RNF144A: variants seen among roughly 807,000 people sequenced by gnomAD.
RNF144A encodes E3 ubiquitin-protein ligase RNF144A.
Under a neutral mutation model 38.7 loss-of-function variants are expected in RNF144A, and 11 were observed. That is an observed-to-expected ratio of 0.28 (90% CI 0.18 to 0.47). The LOEUF (loss-of-function observed/expected upper bound fraction) is 0.47, where lower values mean the gene tolerates loss of function less well. RNF144A is among the 20% of genes least tolerant of loss of function. RNF144A has a pLI of 0.99. For synonymous variants in RNF144A, 149 were observed against 143.9 expected (o/e 1.04, Z -0.25); for missense variants, 316 against 377.2 (o/e 0.84, Z 1.34).
At chr2:7,019,480 T>C (rs369159419) in intron 5 of RNF144A, among the ~76,000 whole-genome samples, 1 of 152,178 alleles carries the variant, frequency 6.6e-6, no homozygotes, top group African/African-American at 2.4e-5. Context: ...GCCTTTCAAG[T>C]CGTCTCTGAA....
chr2:7,037,517 T>G (rs773864714), intron 8 of RNF144A, among the ~76,000 whole-genome samples: 1 of 152,260 alleles, frequency 6.6e-6, no homozygotes, highest in Non-Finnish European at 1.5e-5. Context: ...AAGCACAACC[T>G]GAATTCACAC....
chr2:6,953,692 CTG>C (rs1666826047), intron 2 of RNF144A, among the ~76,000 whole-genome samples: 1 of 152,032 alleles, frequency 6.6e-6, no homozygotes, highest in Non-Finnish European at 1.5e-5. Flanking sequence ...TGTGAATGTT[CTG>C]TGTCTTTTTG....
chr2:6,965,276 C>A (rs1245659410), intron 2 of RNF144A, among the ~76,000 whole-genome samples: 1 of 152,176 alleles, frequency 6.6e-6, no homozygotes, highest in Non-Finnish European at 1.5e-5. Context: ...GACACGATCT[C>A]AGCTCATGAG....
At chr2:7,059,040 A>C (rs531705446) in intron 6 of RNF144A, among the ~76,000 whole-genome samples, 1 of 151,778 alleles carries the variant, frequency 6.6e-6, no homozygotes, top group African/African-American at 2.4e-5. Context: ...GAGGTGAAAA[A>C]CCTGTTTAAA....
chr2:7,038,121 G>C (rs964357460), intron 8 of RNF144A, among the ~76,000 whole-genome samples: 1 of 152,210 alleles, frequency 6.6e-6, no homozygotes, highest in African/African-American at 2.4e-5. Flanking sequence ...ATGTTTTCAA[G>C]CAAAAATCAA....
chr2:7,014,597 C>T, intron 4 of RNF144A, 39 bp downstream of exon 4: 1 of 1,528,692 alleles, frequency 6.5e-7, no homozygotes, highest in Non-Finnish European at 9.0e-7. Flanking sequence ...TTGATGTGCA[C>T]AGGCGTGCAC....
intron 2 of RNF144A, among the ~76,000 whole-genome samples, chr2:6,948,722 G>A (rs1284489583): frequency 2.0e-5 from 3 of 152,214 alleles, no homozygotes; most frequent in African/African-American, 7.2e-5. Flanking sequence ...AGTGATTTAG[G>A]ATTGCAAGAC....
intron 3 of RNF144A, among the ~76,000 whole-genome samples, chr2:7,000,410 G>A (rs537464648): frequency 2.6e-5 from 4 of 152,280 alleles, no homozygotes; most frequent in South Asian, 2.1e-4. Context: ...GGCCAATCCC[G>A]TGTTCGTTTT....
intron 2 of RNF144A, among the ~76,000 whole-genome samples, chr2:6,946,219 C>G (rs150698978): frequency 0.01 from 1,587 of 152,302 alleles, 29 homozygotes; most frequent in African/African-American, 0.037. Flanking sequence ...CATATACATT[C>G]ATTAAAGAAA....
In RNF144A at chr2:7,042,936, C is replaced by A; in HGVS notation, c.*3176C>A. On this transcript the variant is annotated 3_prime_UTR_variant, in exon 9 of 9. Coordinates refer to ENST00000320892, the MANE Select transcript of RNF144A (RefSeq NM_014746.6). ...AAGCTGGAGTACAATGACAGGATCTCGGCTCACTGCAAGCTCTGCCTCCCG... is the reference window on the plus strand; with the variant it reads ...AAGCTGGAGTACAATGACAGGATCTAGGCTCACTGCAAGCTCTGCCTCCCG... 1.2e-6 allele frequency: 1 copy of A among 829,504 alleles called. No individual in the cohort carries two copies. Among genetic ancestry groups the A allele is most frequent in the Non-Finnish European group, 1.5e-6 (1 of 688,142 alleles). The allele number at this position is 829,504 out of a possible 1,614,324, so 51.4% of individuals were successfully genotyped here.
At chr2:7,018,064 A>AGGGTG (rs1178377840) in intron 5 of RNF144A, among the ~76,000 whole-genome samples, 1 of 152,142 alleles carries the variant, frequency 6.6e-6, no homozygotes, top group African/African-American at 2.4e-5. Context: ...TTGAGCCAGG[A>AGGGTG]GGGTGGACAG....
chr2:7,052,531 T>A (rs1673572156), intron 6 of RNF144A, among the ~76,000 whole-genome samples: 1 of 152,124 alleles, frequency 6.6e-6, no homozygotes, highest in Non-Finnish European at 1.5e-5. Context: ...GAAACAGGGC[T>A]CTGTAGAGGC....
At chr2:7,006,307 G>A (rs142708941) in intron 3 of RNF144A, among the ~76,000 whole-genome samples, 108 of 152,148 alleles carry the variant, frequency 7.1e-4, no homozygotes, top group African/African-American at 2.4e-3. Flanking sequence ...ACTAAAATGC[G>A]GAGGATGAAC....
At chr2:6,970,794 C>G (rs1475867270) in intron 2 of RNF144A, among the ~76,000 whole-genome samples, 1 of 152,204 alleles carries the variant, frequency 6.6e-6, no homozygotes, top group Admixed American at 6.5e-5. Flanking sequence ...GCACAAGGCA[C>G]AGGACTGCAT....
intron 2 of RNF144A, among the ~76,000 whole-genome samples, chr2:6,969,373 A>G (rs1667860353): frequency 6.6e-6 from 1 of 152,142 alleles, no homozygotes. Flanking sequence ...AGAGATACAC[A>G]TAGAAGGAAG....
chr2:7,046,744 G>T (rs915936635), downstream of RNF144A, among the ~76,000 whole-genome samples: 1 of 152,110 alleles, frequency 6.6e-6, no homozygotes, highest in Non-Finnish European at 1.5e-5. Flanking sequence ...GTGGTTGTGC[G>T]TACAGCCTGT....
chr2:6,927,679 G>A (rs1664963872), intron 1 of RNF144A, among the ~76,000 whole-genome samples: 1 of 152,246 alleles, frequency 6.6e-6, no homozygotes, highest in Non-Finnish European at 1.5e-5. Flanking sequence ...GAGCTGTGCT[G>A]TCAGTGGGTT....
At chr2:6,955,001 A>T (rs1028739965) in intron 2 of RNF144A, among the ~76,000 whole-genome samples, 2 of 151,990 alleles carry the variant, frequency 1.3e-5, no homozygotes, top group African/African-American at 4.8e-5. Context: ...TCTTTGACCT[A>T]TTTTTTTCTG....
At chr2:7,030,284 TG>T in intron 8 of RNF144A, 69 bp downstream of exon 8, 1 of 917,168 alleles carries the variant, frequency 1.1e-6, no homozygotes. Context: ...TGTGTGTGTG[TG>T]TGTGTGTGTG....
Sources: allele counts gnomAD v4.1 joint callset (sites outside exome capture counted in the v4.1 genomes callset), GRCh38; gene constraint gnomAD v4.1.1; transcripts MANE v1.5; gene names NCBI Gene and HGNC (gene_info 2026-07-23, HGNC 2026-07-21).